Variants in NKAIN3 observed in about 807,000 individuals in gnomAD.
NKAIN3 encodes sodium/potassium transporting ATPase interacting 3.
NKAIN3 carries 25 observed loss-of-function variants against 30.2 expected under a neutral mutation model. The observed-to-expected ratio is 0.83, with a 90% CI of 0.60 to 1.16. NKAIN3 has a LOEUF of 1.16. Among genes scored for constraint, NKAIN3 ranks in the 50% most tolerant of loss-of-function variants. NKAIN3 has a pLI of 0.00. For synonymous variants in NKAIN3, 91 were observed against 89.6 expected (o/e 1.02, Z -0.09); for missense variants, 225 against 254.1 (o/e 0.89, Z 0.78).
chr8:62,931,970 T>C lies in NKAIN3; in HGVS notation c.532+13457T>C, dbSNP rs146803571. 1.1e-3 allele frequency among the ~76,000 whole-genome samples: 165 copies of C among 152,350 alleles called. 6 individuals carry two copies. In the East Asian group the frequency reaches 0.029, roughly 27 times the overall value. On this transcript the variant is annotated intron_variant, in intron 5 of 6. Transcript: ENST00000623646. ...GTACGCATTGAAATGTTTGATTGGC[T>C]GTATTTCTCTCATATCTTTTCTTGT...
intron 3 of NKAIN3, among the ~76,000 whole-genome samples, chr8:62,698,362 T>C (rs1049922735): frequency 1.3e-5 from 2 of 152,204 alleles, no homozygotes; most frequent in East Asian, 1.9e-4. Flanking sequence ...CTGTCCCACA[T>C]AGAACAGAAG....
intron 2 of NKAIN3, 57 bp from the exon 3 acceptor site, chr8:62,589,657 A>G (rs1810589153): frequency 5.5e-6 from 4 of 723,024 alleles, no homozygotes; most frequent in South Asian, 5.2e-5. Context: ...TATTTGATAT[A>G]CATGCCTTTC....
chr8:62,518,651 A>G (rs550733750), intron 1 of NKAIN3, among the ~76,000 whole-genome samples: 1 of 152,294 alleles, frequency 6.6e-6, no homozygotes, highest in African/African-American at 2.4e-5. Flanking sequence ...TTAGGGATCA[A>G]AAGATTTTAA....
intron 4 of NKAIN3, among the ~76,000 whole-genome samples, chr8:62,913,015 T>C (rs1821968776): frequency 6.6e-6 from 1 of 152,190 alleles, no homozygotes; most frequent in African/African-American, 2.4e-5. Flanking sequence ...GTCTTCTCCA[T>C]CCACATCCTC....
intron 1 of NKAIN3, among the ~76,000 whole-genome samples, chr8:62,355,428 A>G (rs182460301): frequency 3.9e-5 from 6 of 152,272 alleles, no homozygotes; most frequent in Non-Finnish European, 5.9e-5. Flanking sequence ...TACCTTGGAT[A>G]GAATGTGGCC....
intron 4 of NKAIN3, among the ~76,000 whole-genome samples, chr8:62,906,095 G>C (rs1387100712): frequency 6.6e-6 from 1 of 152,146 alleles, no homozygotes; most frequent in Non-Finnish European, 1.5e-5. Flanking sequence ...ACAAGTGTGC[G>C]AGCATCCATC....
intron 3 of NKAIN3, among the ~76,000 whole-genome samples, chr8:62,678,074 C>T (rs1813532154): frequency 6.6e-6 from 1 of 152,184 alleles, no homozygotes; most frequent in African/African-American, 2.4e-5. Context: ...CTGATGACCA[C>T]ACCATAATCT....
At chr8:62,478,861 C>T (rs1193832415) in intron 1 of NKAIN3, among the ~76,000 whole-genome samples, 1 of 152,186 alleles carries the variant, frequency 6.6e-6, no homozygotes, top group African/African-American at 2.4e-5. Flanking sequence ...ACCAAATACT[C>T]ATAGAACTTT....
rs115684655 is a variant in NKAIN3, at chr8:62,907,190, C to T, written c.472-11263C>T. ...CCCTAGAGATCTGTAGATCTTTGAA[C>T]TTGAGAGAGATAATTTAGGGTATCA... is the stretch of plus-strand genomic sequence containing the variant. On this transcript the variant is annotated intron_variant, in intron 4 of 6. Transcript: ENST00000623646. Among the ~76,000 whole-genome samples, 1,288 of 152,132 alleles carry T rather than the reference C, an allele frequency of 8.5e-3. 23 individuals carry two copies. Among genetic ancestry groups the T allele is most frequent in the African/African-American group, 0.03 (1,244 of 41,494 alleles).
At chr8:62,512,608 G>C (rs1385216274) in intron 1 of NKAIN3, among the ~76,000 whole-genome samples, 2 of 152,070 alleles carry the variant, frequency 1.3e-5, no homozygotes, top group Admixed American at 1.3e-4. Context: ...TACTTGCTAA[G>C]TCCTTTCATC....
At chr8:62,624,379 T>G (rs780369838) in intron 3 of NKAIN3, among the ~76,000 whole-genome samples, 1 of 151,952 alleles carries the variant, frequency 6.6e-6, no homozygotes, top group Non-Finnish European at 1.5e-5. Context: ...AGTTCTAGGT[T>G]GGTATTTTTT....
At chr8:62,808,859 A>C (rs1013556067) in intron 4 of NKAIN3, among the ~76,000 whole-genome samples, 11 of 152,166 alleles carry the variant, frequency 7.2e-5, no homozygotes, top group African/African-American at 2.4e-4. Context: ...GTTTGAGAGC[A>C]GACAACTGGT....
intron 3 of NKAIN3, among the ~76,000 whole-genome samples, chr8:62,633,055 G>A (rs2130273226): frequency 6.6e-6 from 1 of 152,106 alleles, no homozygotes; most frequent in South Asian, 2.1e-4. Flanking sequence ...GTGAAGTATG[G>A]GATTAGAGCA....
intron 4 of NKAIN3, among the ~76,000 whole-genome samples, chr8:62,787,378 T>G (rs1817555990): frequency 6.6e-6 from 1 of 151,572 alleles, no homozygotes; most frequent in Admixed American, 6.6e-5. Flanking sequence ...ACAAAGAAAA[T>G]AGTCAAAAAT....
At chr8:62,759,378 C>A (rs1385109467) in intron 4 of NKAIN3, among the ~76,000 whole-genome samples, 1 of 152,058 alleles carries the variant, frequency 6.6e-6, no homozygotes, top group Admixed American at 6.6e-5. Flanking sequence ...ATTTCTTCAT[C>A]AATGGAGTAA....
intron 1 of NKAIN3, among the ~76,000 whole-genome samples, chr8:62,560,827 C>T (rs1236591682): frequency 1.3e-5 from 2 of 152,144 alleles, no homozygotes; most frequent in African/African-American, 4.8e-5. Context: ...AGGGGTGAGC[C>T]ATCACGGAAT....
At chr8:62,494,436 A>G (rs918701260) in intron 1 of NKAIN3, among the ~76,000 whole-genome samples, 1 of 151,928 alleles carries the variant, frequency 6.6e-6, no homozygotes, top group African/African-American at 2.4e-5. Context: ...TATTTTGAGG[A>G]TTTTTGCATC....
chr8:62,605,972 G>A (rs1811112100), intron 3 of NKAIN3, among the ~76,000 whole-genome samples: 1 of 151,988 alleles, frequency 6.6e-6, no homozygotes. Context: ...TAAGGAAGAG[G>A]GAATTAAGAG....
At chr8:62,653,127 C>G (rs1337150124) in intron 3 of NKAIN3, among the ~76,000 whole-genome samples, 1 of 152,172 alleles carries the variant, frequency 6.6e-6, no homozygotes, top group East Asian at 1.9e-4. Context: ...GCTGCCATAA[C>G]AAAGTACTAT....
Sources: allele counts gnomAD v4.1 joint callset (sites outside exome capture counted in the v4.1 genomes callset), GRCh38; gene constraint gnomAD v4.1.1; transcripts MANE v1.5; gene names NCBI Gene and HGNC (gene_info 2026-07-23, HGNC 2026-07-21).